NR5A2: variants seen among roughly 807,000 people sequenced by gnomAD.
NR5A2 encodes CYP7A promoter-binding factor.
NR5A2 carries 26 observed loss-of-function variants against 62.7 expected under a neutral mutation model. That is an observed-to-expected ratio of 0.41 (90% CI 0.30 to 0.58). NR5A2 has a LOEUF of 0.58. NR5A2 is among the 20% of genes least tolerant of loss of function. The pLI, the probability that NR5A2 is intolerant of heterozygous loss-of-function variation, is 0.22. For synonymous variants in NR5A2, 246 were observed against 241.7 expected, an observed-to-expected ratio of 1.02 and a Z score of -0.16; for missense variants, 541 against 669.1, an observed-to-expected ratio of 0.81 and a Z score of 2.11.
In NR5A2 at chr1:200,039,820, C is replaced by T. The variant is rs761114332; in HGVS notation, c.202+25C>T. ...GGTAAGGAGGCGCCGCGCGGCGCTCCGGCTCCCGCTGCTTCCCCACCCCCG... is the reference window on the plus strand; with the variant it reads ...GGTAAGGAGGCGCCGCGCGGCGCTCTGGCTCCCGCTGCTTCCCCACCCCCG... On this transcript the variant is annotated intron_variant, in intron 2 of 7. Transcript: ENST00000367362. The surrounding 1 kb of genome is among the most constrained non-coding windows in gnomAD (Gnocchi z 5.1). The T allele has an allele frequency of 1.5e-5, 24 of 1,585,224 alleles. 3 individuals carry two copies. In the Middle Eastern group the frequency reaches 3.6e-3, roughly 238 times the overall value.
At chr1:200,141,093 C>A (rs1263441573) in intron 7 of NR5A2, among the ~76,000 whole-genome samples, 3 of 151,974 alleles carry the variant, frequency 2.0e-5, no homozygotes, top group African/African-American at 7.3e-5. Flanking sequence ...TAGACTTTAC[C>A]AATTATTCAG....
chr1:200,110,405 C>T (rs1665887622), intron 5 of NR5A2, among the ~76,000 whole-genome samples: 1 of 152,156 alleles, frequency 6.6e-6, no homozygotes, highest in Non-Finnish European at 1.5e-5. Context: ...GTGCATTTGT[C>T]ATTGAAGAAT....
intron 2 of NR5A2, among the ~76,000 whole-genome samples, chr1:200,042,365 G>A (rs992237250): frequency 2.0e-5 from 3 of 152,152 alleles, no homozygotes; most frequent in Non-Finnish European, 4.4e-5. Context: ...TCCGACCGAA[G>A]AGCTCGGGAA....
intron 1 of NR5A2, chr1:200,029,169 G>C (rs1026391667): frequency 7.5e-6 from 3 of 400,440 alleles, no homozygotes; most frequent in South Asian, 5.2e-5. Context: ...CCGGTTCCGC[G>C]TCCGGGGCCG....
intron 5 of NR5A2, among the ~76,000 whole-genome samples, chr1:200,062,706 G>A (rs976107421): frequency 2.0e-5 from 3 of 152,154 alleles, no homozygotes; most frequent in African/African-American, 7.2e-5. Flanking sequence ...AACTCGCAGA[G>A]CTGATGAAAG....
In NR5A2 at chr1:200,048,909, G is replaced by T; in HGVS notation, c.1110+91G>T. The T allele has an allele frequency of 6.9e-7, 1 of 1,441,114 alleles. No homozygotes were observed. 89.3% of individuals were successfully genotyped at this position (1,441,114 alleles called of 1,614,324 possible). ...AATACATTCTTGGTGCTGAAAATAT[G>T]TGTTCCTTAATTTTCTACTTTGTAT... On this transcript the variant is annotated intron_variant, in intron 5 of 7. Coordinates refer to ENST00000367362, the MANE Select transcript of NR5A2 (RefSeq NM_205860.3). This position sits in a 1 kb window ranked among gnomAD's most constrained non-coding sequence, Gnocchi z 4.8.
chr1:200,095,345 G>C (rs943706780), intron 5 of NR5A2, among the ~76,000 whole-genome samples: 3 of 152,078 alleles, frequency 2.0e-5, no homozygotes, highest in African/African-American at 7.3e-5. Flanking sequence ...GAACTGCTGT[G>C]TTCAGCCTAG....
intron 5 of NR5A2, among the ~76,000 whole-genome samples, chr1:200,095,993 A>G (rs1265370971): frequency 6.6e-6 from 1 of 152,190 alleles, no homozygotes; most frequent in African/African-American, 2.4e-5. Flanking sequence ...TCATTAAGAC[A>G]AGGACATGTG....
intron 7 of NR5A2, among the ~76,000 whole-genome samples, chr1:200,124,599 C>T (rs1666620930): frequency 6.6e-6 from 1 of 152,156 alleles, no homozygotes; most frequent in South Asian, 2.1e-4. Flanking sequence ...ATTTCTAGCA[C>T]AATGCTTGGT....
In NR5A2 at chr1:200,102,253, G is replaced by A. The variant is rs559231559; in HGVS notation, c.1111-8949G>A. Among the ~76,000 whole-genome samples the A allele has an allele frequency of 6.6e-5, 10 of 152,204 alleles. No homozygotes were observed. The East Asian group carries it at 1.5e-3, about 24-fold the overall frequency. On this transcript the variant is annotated intron_variant, in intron 5 of 7. Coordinates refer to ENST00000367362, the MANE Select transcript of NR5A2 (RefSeq NM_205860.3). ...TGATAAAGACTCTCTAATACAAATC[G>A]CACCATTCCATGACTTTTTAAACAG...
intron 5 of NR5A2, among the ~76,000 whole-genome samples, chr1:200,082,589 A>G (rs1664346997): frequency 6.6e-6 from 1 of 152,234 alleles, no homozygotes; most frequent in African/African-American, 2.4e-5. Flanking sequence ...GAGGCAACAA[A>G]TTACAAATAC....
intron 7 of NR5A2, among the ~76,000 whole-genome samples, chr1:200,165,580 T>C (rs1460232981): frequency 6.6e-6 from 1 of 152,204 alleles, no homozygotes; most frequent in Non-Finnish European, 1.5e-5. Context: ...TTCCAGAATG[T>C]CACACAGTTG....
Position 200,045,538 on chromosome 1 carries a change from T to C in NR5A2, c.417T>C (p.Pro139=), listed in dbSNP as rs1033683398. The change falls in exon 4 of 8, where the codon CCT becomes CCC. Residue 139 remains proline, a synonymous_variant. Transcript: ENST00000367362. ...QIDKTQRKRC[P]YCRFQKCLSV... The stretch of plus-strand genomic sequence containing the variant: ...ACAAAACACAGAGAAAGCGTTGTCC[T>C]TACTGTCGTTTTCAAAAATGTCTAA... The C allele has an allele frequency of 1.9e-6, 3 of 1,613,242 alleles. No individual in the cohort carries two copies. The highest frequency in any genetic ancestry group is 2.5e-6 in the Non-Finnish European group (3 of 1,179,472).
chr1:200,158,945 G>T (rs1653509974), intron 7 of NR5A2, among the ~76,000 whole-genome samples: 1 of 151,392 alleles, frequency 6.6e-6, no homozygotes, highest in African/African-American at 2.4e-5. Flanking sequence ...TGTCACCCAG[G>T]CTAGAATGGC....
intron 5 of NR5A2, among the ~76,000 whole-genome samples, chr1:200,065,559 G>A (rs1229356779): frequency 6.6e-6 from 1 of 152,202 alleles, no homozygotes; most frequent in Non-Finnish European, 1.5e-5. Context: ...GTCTAGCCCA[G>A]TGTGCCTAAA....
At chr1:200,052,753 T>C (rs7536826) in intron 5 of NR5A2, among the ~76,000 whole-genome samples, 26,257 of 152,040 alleles carry the variant, frequency 0.17, 4,912 homozygotes, top group African/African-American at 0.46. Context: ...GCCATTCTCC[T>C]GCCTCAGCCT....
chr1:200,139,767 G>A (rs1248594986), intron 7 of NR5A2, among the ~76,000 whole-genome samples: 2 of 152,156 alleles, frequency 1.3e-5, no homozygotes, highest in African/African-American at 4.8e-5. Context: ...TGTATTTGTG[G>A]AAGTTTTGAT....
chr1:200,103,122 C>CTTTTTTTTTTT (rs10655211), intron 5 of NR5A2, among the ~76,000 whole-genome samples: 8 of 106,648 alleles, frequency 7.5e-5, no homozygotes, highest in Non-Finnish European at 1.1e-4. Context: ...ATGTAAAACT[C>CTTTTTTTTTTT]TTTTTTTTTT....
chr1:200,172,538 A>C (rs181333926), intron 7 of NR5A2, among the ~76,000 whole-genome samples: 1 of 152,238 alleles, frequency 6.6e-6, no homozygotes, highest in African/African-American at 2.4e-5. Flanking sequence ...AACTCACTAC[A>C]TAACTATTTC....
Sources: gnomAD v4.1 joint callset for allele counts (sites outside exome capture counted in the v4.1 genomes callset) on GRCh38, gnomAD v4.1.1 for gene constraint, Gnocchi (gnomAD v3.1) non-coding constraint, MANE v1.5 for transcripts, NCBI Gene and HGNC (gene_info 2026-07-23, HGNC 2026-07-21) for gene names.